Variants in ADGRL3 observed in about 807,000 individuals in gnomAD.
ADGRL3 encodes calcium-independent alpha-latrotoxin receptor 3.
A neutral mutation model predicts 153.5 loss-of-function variants in ADGRL3; 62 were observed. That is an observed-to-expected ratio of 0.40 (90% confidence interval 0.33 to 0.50). ADGRL3 has a LOEUF of 0.50. ADGRL3 is among the 20% of genes least tolerant of loss of function. ADGRL3 has a pLI of 0.47. For missense variants in ADGRL3, 1,641 were observed against 1,859.4 expected (o/e 0.88, Z 2.16); for synonymous variants, 710 against 672.5 (o/e 1.06, Z -0.86).
intron 1 of ADGRL3, among the ~76,000 whole-genome samples, chr4:61,280,772 A>C (rs2093692274): frequency 6.6e-6 from 1 of 152,182 alleles, no homozygotes; most frequent in Admixed American, 6.5e-5. Flanking sequence ...TATTAGAATT[A>C]ATTTGTATGT....
intron 9 of ADGRL3, among the ~76,000 whole-genome samples, chr4:61,844,575 A>AAAAAAAATATATATAT (rs1554045137): frequency 5.5e-5 from 1 of 18,104 alleles, no homozygotes; most frequent in African/African-American, 2.6e-4. Flanking sequence ...AAAAAAAAAA[A>AAAAAAAATATATATAT]ATATATATAT....
rs1417046766 is a variant in ADGRL3, at chr4:61,839,008, T to G, written c.1480+25119T>G. ...AGTCCTGTTGATAGAGAGTGTTTTG[T>G]TTTTTGTTTTTGTTAAGGAAACTTG... On this transcript the variant is annotated intron_variant, in intron 9 of 26. Coordinates refer to ENST00000683033, the MANE Select transcript of ADGRL3 (RefSeq NM_001387552.1). Among the ~76,000 whole-genome samples the G allele has an allele frequency of 3.9e-5, 6 of 152,038 alleles. No homozygotes were observed. The East Asian group carries it at 9.6e-4, about 24-fold the overall frequency.
chr4:61,449,918 A>G (rs1265057068), intron 2 of ADGRL3, among the ~76,000 whole-genome samples: 1 of 152,190 alleles, frequency 6.6e-6, no homozygotes, highest in Non-Finnish European at 1.5e-5. Context: ...AAATGATATA[A>G]TGGTGTTTTT....
intron 2 of ADGRL3, among the ~76,000 whole-genome samples, chr4:61,462,494 A>T (rs567970552): frequency 4.6e-5 from 7 of 152,108 alleles, no homozygotes; most frequent in Admixed American, 3.9e-4. Flanking sequence ...CTGGGTGGTG[A>T]TCTTCTGGAT....
intron 5 of ADGRL3, among the ~76,000 whole-genome samples, chr4:61,590,388 A>T (rs911261527): frequency 1.6e-4 from 24 of 152,076 alleles, no homozygotes; most frequent in South Asian, 4.1e-4. Context: ...TTTTAAAAAA[A>T]ATATTACACA....
At chr4:61,802,321 T>C (rs2097507700) in intron 8 of ADGRL3, among the ~76,000 whole-genome samples, 1 of 152,116 alleles carries the variant, frequency 6.6e-6, no homozygotes, top group Non-Finnish European at 1.5e-5. Context: ...AATAAGGAAT[T>C]TAATCTCTCT....
At chr4:61,216,098 ATGT>A (rs1485136300) in intron 1 of ADGRL3, among the ~76,000 whole-genome samples, 2 of 152,068 alleles carry the variant, frequency 1.3e-5, no homozygotes, top group Non-Finnish European at 2.9e-5. Flanking sequence ...TAGGTAGTTG[ATGT>A]TGTAAGAATT....
intron 5 of ADGRL3, among the ~76,000 whole-genome samples, chr4:61,595,081 C>A (rs1236726692): frequency 2.0e-5 from 3 of 152,138 alleles, no homozygotes; most frequent in Non-Finnish European, 4.4e-5. Flanking sequence ...TGCCTTCTGG[C>A]CTAGAGCAGG....
chr4:61,824,157 C>G (rs1467201744), intron 9 of ADGRL3, among the ~76,000 whole-genome samples: 1 of 152,188 alleles, frequency 6.6e-6, no homozygotes, highest in Non-Finnish European at 1.5e-5. Flanking sequence ...CTTTCATCAT[C>G]TTATTTATTC....
chr4:61,967,232 G>A (rs1581672744), intron 17 of ADGRL3, among the ~76,000 whole-genome samples: 1 of 151,684 alleles, frequency 6.6e-6, no homozygotes, highest in South Asian at 2.1e-4. Flanking sequence ...TAAATTTTTA[G>A]GCTATATTAT....
chr4:61,767,370 G>A (rs1247833880), intron 8 of ADGRL3, among the ~76,000 whole-genome samples: 1 of 151,738 alleles, frequency 6.6e-6, no homozygotes, highest in Non-Finnish European at 1.5e-5. Context: ...AGGTTTAGAA[G>A]CCTGGCCATC....
rs1007650068 is a variant in ADGRL3, at chr4:61,200,888, T to C, written c.-1117T>C. Among the ~76,000 whole-genome samples the C allele has an allele frequency of 2.0e-4, 31 of 151,710 alleles. No individual in the cohort carries two copies. In the South Asian group the frequency reaches 2.7e-3, roughly 13 times the overall value. ...CGAGCTAATCATCCACCCCACGGGC[T>C]CGGGGTTCGCCGGCCCCCGGGACGC... On this transcript the variant is annotated 5_prime_UTR_variant, in exon 1 of 27. Coordinates refer to ENST00000683033, the MANE Select transcript of ADGRL3 (RefSeq NM_001387552.1).
intron 1 of ADGRL3, among the ~76,000 whole-genome samples, chr4:61,223,586 G>T (rs546946574): frequency 3.7e-4 from 57 of 152,344 alleles, no homozygotes; most frequent in African/African-American, 1.3e-3. Flanking sequence ...AGTCAACATC[G>T]TGGGCGTTTT....
chr4:61,459,372 G>A (rs969827771), intron 2 of ADGRL3, among the ~76,000 whole-genome samples: 1 of 151,746 alleles, frequency 6.6e-6, no homozygotes. Context: ...TGCTATGGAG[G>A]AAAATAAGAT....
chr4:61,928,508 C>T (rs756984185), intron 13 of ADGRL3, among the ~76,000 whole-genome samples: 4 of 152,062 alleles, frequency 2.6e-5, no homozygotes, highest in Non-Finnish European at 5.9e-5. Context: ...TTATGTTTTT[C>T]TTCTCTAACC....
chr4:61,977,396 T>C (rs1376736608), intron 17 of ADGRL3, among the ~76,000 whole-genome samples: 1 of 152,092 alleles, frequency 6.6e-6, no homozygotes, highest in African/African-American at 2.4e-5. Flanking sequence ...GGGAACCAGG[T>C]AGCACTAACC....
At chr4:61,566,281 TGTCGAGATTTCCC>T (rs537535145) in intron 4 of ADGRL3, among the ~76,000 whole-genome samples, 1 of 152,206 alleles carries the variant, frequency 6.6e-6, no homozygotes, top group Non-Finnish European at 1.5e-5. Flanking sequence ...TGTGTGTCTG[TGTCGAGATTTCCC>T]CATCTTATAA....
intron 1 of ADGRL3, among the ~76,000 whole-genome samples, chr4:61,213,625 T>G (rs1334997026): frequency 2.0e-5 from 3 of 152,174 alleles, no homozygotes. Context: ...GCATCTGTAT[T>G]GTGTGTGTTT....
chr4:61,782,698 CAATA>C (rs1001160755), intron 8 of ADGRL3, among the ~76,000 whole-genome samples: 152 of 152,072 alleles, frequency 1.0e-3, no homozygotes, highest in East Asian at 5.8e-3. Context: ...CTTACTTTAA[CAATA>C]AATAAATAAA....
Sources: gnomAD v4.1 joint callset for allele counts (sites outside exome capture counted in the v4.1 genomes callset) on GRCh38, gnomAD v4.1.1 for gene constraint, MANE v1.5 for transcripts, NCBI Gene and HGNC (gene_info 2026-07-23, HGNC 2026-07-21) for gene names.